TTLL9: variants seen among roughly 807,000 people sequenced by gnomAD.
The protein encoded by TTLL9 is probable tubulin polyglutamylase TTLL9.
A neutral mutation model predicts 65.6 loss-of-function variants in TTLL9; 47 were observed. That is an observed-to-expected ratio of 0.72 (90% CI 0.57 to 0.91). The LOEUF is 0.91. Among genes scored for constraint, TTLL9 ranks in the 40% least tolerant of loss-of-function variants. TTLL9 has a pLI of 0.00. For synonymous variants in TTLL9, 179 were observed against 204.8 expected (o/e 0.87, Z 1.07); for missense variants, 537 against 568.8 (o/e 0.94, Z 0.57).
intron 8 of TTLL9, among the ~76,000 whole-genome samples, chr20:31,924,771 C>T (rs541752699): frequency 1.3e-4 from 20 of 152,160 alleles, no homozygotes; most frequent in African/African-American, 4.8e-4. Context: ...GACACAGAGT[C>T]TCACTATGTT....
Position 31,914,525 on chromosome 20 carries a change from C to T in TTLL9, c.504+4603C>T, listed in dbSNP as rs115306756. Among the ~76,000 whole-genome samples the T allele has an allele frequency of 7.3e-3, 1,109 of 152,248 alleles. 15 individuals carry two copies. The highest frequency in any genetic ancestry group is 0.025 in the African/African-American group (1,059 of 41,542). The stretch of plus-strand genomic sequence containing the variant: ...AAAGAAGGCAACTATACTGAAAACC[C>T]GTTATCAAACTGTGTTAATCTGGGT... On this transcript the variant is annotated intron_variant, in intron 6 of 14. Coordinates refer to ENST00000535842, the MANE Select transcript of TTLL9 (RefSeq NM_001008409.5).
Position 31,934,677 on chromosome 20 carries a change from C to CT in TTLL9, c.808-14dup. ...AACTGAGGCTCCTCTCTCGACCCGG[C>CT]TGCCCGGGGCCCAGGGCTGCAAGTG... On this transcript the variant is annotated splice_polypyrimidine_tract_variant and intron_variant, in intron 11 of 14. Transcript: ENST00000535842. 1 of 1,601,180 alleles carries CT rather than the reference C, an allele frequency of 6.2e-7. No homozygotes were observed. Among genetic ancestry groups the CT allele is most frequent in the African/African-American group, 1.3e-5 (1 of 74,818 alleles).
intron 14 of TTLL9, 38 bp from the exon 15 acceptor site, chr20:31,942,907 C>G (rs773264225): frequency 1.2e-5 from 20 of 1,610,012 alleles, no homozygotes; most frequent in Non-Finnish European, 1.7e-5. Flanking sequence ...TCCTCCCAAG[C>G]ATAGGTCATC....
At chr20:31,925,712 C>G (rs2063890668) in intron 9 of TTLL9, among the ~76,000 whole-genome samples, 1 of 152,192 alleles carries the variant, frequency 6.6e-6, no homozygotes, top group Admixed American at 6.5e-5. Flanking sequence ...GGGATAGAAT[C>G]AAAGAAGCCT....
intron 2 of TTLL9, among the ~76,000 whole-genome samples, chr20:31,877,263 C>T (rs904050520): frequency 2.6e-5 from 4 of 152,160 alleles, no homozygotes; most frequent in Admixed American, 6.5e-5. Context: ...CTCAGCCTCC[C>T]GAGTAACTGG....
At chr20:31,919,496 C>T (rs144043095) in intron 6 of TTLL9, among the ~76,000 whole-genome samples, 1 of 152,140 alleles carries the variant, frequency 6.6e-6, no homozygotes, top group African/African-American at 2.4e-5. Context: ...TAAAGGCAGG[C>T]TGATTTCAGT....
chr20:31,895,420 T>G (rs2063368873), intron 3 of TTLL9, among the ~76,000 whole-genome samples: 1 of 152,240 alleles, frequency 6.6e-6, no homozygotes, highest in South Asian at 2.1e-4. Context: ...AGCAGTACTC[T>G]TGTCTCATGT....
At chr20:31,877,785 G>A (rs962002075) in intron 2 of TTLL9, among the ~76,000 whole-genome samples, 1 of 151,978 alleles carries the variant, frequency 6.6e-6, no homozygotes, top group Non-Finnish European at 1.5e-5. Flanking sequence ...GTGTCTCCTT[G>A]CCCCAACATA....
In TTLL9 at chr20:31,939,196, C is replaced by T; in HGVS notation, c.1173C>T (p.Gly391=). 2 of 1,611,714 alleles carry T rather than the reference C, an allele frequency of 1.2e-6. No homozygotes were observed. Among genetic ancestry groups the T allele is most frequent in the South Asian group, 1.1e-5 (1 of 90,760 alleles). The change falls in exon 14 of 15, where the codon GGC becomes GGT. Residue 391 remains glycine, a synonymous_variant. Transcript: ENST00000535842. ...VGGFDLMWND[G]PVSREEGAPD... ...GCTTTGACCTCATGTGGAATGATGG[C>T]CCTGTTAGCAGAGAGGAGGGGGCTC...
intron 4 of TTLL9, among the ~76,000 whole-genome samples, chr20:31,899,908 C>T (rs2063449859): frequency 6.6e-6 from 1 of 152,000 alleles, no homozygotes; most frequent in Admixed American, 6.6e-5. Flanking sequence ...CTACAGGTGC[C>T]CGCCACCACG....
chr20:31,927,480 C>CAAAAAAAA (rs777895091), intron 10 of TTLL9, among the ~76,000 whole-genome samples: 27 of 54,140 alleles, frequency 5.0e-4, no homozygotes, highest in Non-Finnish European at 6.3e-4. Flanking sequence ...GACTCTGTCT[C>CAAAAAAAA]AAAAAAAAAA....
intron 2 of TTLL9, 37 bp from the exon 3 acceptor site, chr20:31,887,159 C>A (rs1568745500): frequency 1.2e-6 from 2 of 1,611,150 alleles, no homozygotes; most frequent in Admixed American, 3.3e-5. Context: ...GGCAGATATA[C>A]AAAACCAGTT....
intron 14 of TTLL9, among the ~76,000 whole-genome samples, 161 bp from the exon 15 acceptor site, chr20:31,942,784 G>A (rs1391224383): frequency 6.6e-6 from 1 of 152,142 alleles, no homozygotes; most frequent in Non-Finnish European, 1.5e-5. Flanking sequence ...ACCTGCTTGA[G>A]GGCCATGGCA....
chr20:31,873,876 GAAA>G (rs2063001867), intron 2 of TTLL9, among the ~76,000 whole-genome samples: 2 of 142,188 alleles, frequency 1.4e-5, no homozygotes, highest in South Asian at 2.2e-4. Context: ...AAGAAAGAAA[GAAA>G]GAAAGAGAAA....
chr20:31,925,854 C>T (rs1231472057), intron 9 of TTLL9, 195 bp from the exon 10 acceptor site: 8 of 1,549,476 alleles, frequency 5.2e-6, no homozygotes, highest in African/African-American at 2.7e-5. Context: ...CTCTCTCTCT[C>T]TTCCCACCTC....
At position 31,932,471 on chromosome 20, in the gene TTLL9, C is replaced by CAAAAAAAAAAAAAAAAA. The variant is rs58783829; in HGVS notation, c.749-1315_749-1314insAAAAAAAAAAAAAAAAA. Reference sequence around the variant, plus strand: ...TGGGTGACAGAGCAAGACCCTGTCTCAAAAAAAAAAAAAAGGTCTAAAGAA... The same window carrying CAAAAAAAAAAAAAAAAA: ...TGGGTGACAGAGCAAGACCCTGTCTCAAAAAAAAAAAAAAAAAAAAAAAAAAAAAAAGGTCTAAAGAA... On this transcript the variant is annotated intron_variant, in intron 10 of 14. Transcript: ENST00000535842. 3.9e-3 allele frequency among the ~76,000 whole-genome samples: 339 copies of CAAAAAAAAAAAAAAAAA among 86,046 alleles called. 16 individuals carry two copies. The highest frequency in any genetic ancestry group is 5.7e-3 in the African/African-American group (101 of 17,810). 56.4% of individuals were successfully genotyped at this position (86,046 alleles called of 152,430 possible). A position where few individuals can be genotyped will look rare whatever the true frequency, so the allele number is the denominator to read the frequency against.
At chr20:31,922,084 C>A (rs1231200167) in intron 7 of TTLL9, among the ~76,000 whole-genome samples, 2 of 152,050 alleles carry the variant, frequency 1.3e-5, no homozygotes, top group African/African-American at 4.8e-5. Context: ...GCCTGGCCAA[C>A]ATGGTGAAAC....
intron 3 of TTLL9, among the ~76,000 whole-genome samples, chr20:31,898,189 T>C (rs765642018): frequency 1.3e-5 from 2 of 152,214 alleles, no homozygotes; most frequent in East Asian, 1.9e-4. Flanking sequence ...CAAATACTTA[T>C]CATTTCATGT....
chr20:31,893,895 T>G (rs11698120), intron 3 of TTLL9, among the ~76,000 whole-genome samples: 21,488 of 151,978 alleles, frequency 0.14, 2,036 homozygotes, highest in South Asian at 0.26. Context: ...ATATGTATGT[T>G]AGACTGCTTG....
Sources: allele counts gnomAD v4.1 joint callset (sites outside exome capture counted in the v4.1 genomes callset), GRCh38; gene constraint gnomAD v4.1.1; transcripts MANE v1.5; gene names NCBI Gene and HGNC (gene_info 2026-07-23, HGNC 2026-07-21).